The following MARCHF1 variants were observed in gnomAD, a reference collection of about 807,000 sequenced individuals.
MARCHF1 encodes E3 ubiquitin-protein ligase MARCHF1.
A neutral mutation model predicts 54.2 loss-of-function variants in MARCHF1; 40 were observed. The observed-to-expected ratio is 0.74, with a 90% CI of 0.57 to 0.96. MARCHF1 has a LOEUF of 0.96. Ranked by LOEUF, MARCHF1 falls within the 40% of genes least tolerant of loss-of-function variation. The probability of loss-of-function intolerance (pLI) is 0.00; values close to 1 mark genes in which losing one functional copy is unlikely to be tolerated. For synonymous variants in MARCHF1, 236 were observed against 236.3 expected (o/e 1.00, Z 0.01); for missense variants, 586 against 656.5 (o/e 0.89, Z 1.17).
chr4:164,060,714 T>C (rs933864496), intron 2 of MARCHF1, among the ~76,000 whole-genome samples: 1 of 152,144 alleles, frequency 6.6e-6, no homozygotes, highest in African/African-American at 2.4e-5. Flanking sequence ...TAAGTAAACG[T>C]TACAAGGAGA....
intron 3 of MARCHF1, among the ~76,000 whole-genome samples, chr4:163,889,480 A>AT (rs1553961136): frequency 6.6e-6 from 1 of 150,902 alleles, no homozygotes; most frequent in African/African-American, 2.4e-5. Context: ...AGCAGGGAAA[A>AT]TTTCATATTC....
At position 163,891,767 on chromosome 4, in the gene MARCHF1, C is replaced by CA. The variant is rs200900966; in HGVS notation, c.-38-37599dup. Among the ~76,000 whole-genome samples the CA allele has an allele frequency of 9.4e-4, 143 of 151,822 alleles. 1 individual carries two copies. The highest frequency in any genetic ancestry group is 2.9e-3 in the East Asian group (15 of 5,164). The stretch of plus-strand genomic sequence containing the variant: ...AAGCAGGTTACTGCAGAAAGCACAA[C>CA]AAAAAAAACAACAAATTGACCTGGA... On this transcript the variant is annotated intron_variant, in intron 3 of 9. Transcript: ENST00000514618.
chr4:163,979,281 T>C (rs543669026), intron 3 of MARCHF1, among the ~76,000 whole-genome samples: 3,869 of 141,398 alleles, frequency 0.027, 86 homozygotes, highest in African/African-American at 0.068. Flanking sequence ...TTTGGTTTTT[T>C]GTTCTTGTGA....
intron 1 of MARCHF1, among the ~76,000 whole-genome samples, chr4:164,113,661 T>C (rs1228504866): frequency 6.6e-6 from 1 of 151,896 alleles, no homozygotes; most frequent in Admixed American, 6.6e-5. Context: ...ATTGTATAGG[T>C]ACGTCTATCT....
rs75857122 is a variant in MARCHF1 at position 164,358,700 on chromosome 4, G to A, written c.-323+25170C>T. Among the ~76,000 whole-genome samples, 398 of 152,186 alleles carry A rather than the reference G, an allele frequency of 2.6e-3. 7 individuals carry two copies. The East Asian group carries it at 0.06, about 23-fold the overall frequency. On this transcript the variant is annotated intron_variant, in intron 1 of 9. Coordinates refer to ENST00000514618, the MANE Select transcript of MARCHF1 (RefSeq NM_001394959.1). ...AGTCAGTGAATAAAATCATGAGGTT[G>A]TAATTGGATTAATATTATCAATAGT...
chr4:163,553,584 G>A (rs1476587424), intron 8 of MARCHF1, among the ~76,000 whole-genome samples: 2 of 152,186 alleles, frequency 1.3e-5, no homozygotes, highest in African/African-American at 4.8e-5. Context: ...ATGGCACAAT[G>A]ATGGCTTCAT....
At chr4:164,315,240 A>C (rs1219115899) in intron 1 of MARCHF1, among the ~76,000 whole-genome samples, 2 of 151,686 alleles carry the variant, frequency 1.3e-5, no homozygotes, top group Non-Finnish European at 2.9e-5. Flanking sequence ...ACAAAAAAAA[A>C]AAAAAAAAAA....
At chr4:164,086,263 T>C (rs181650920) in intron 2 of MARCHF1, among the ~76,000 whole-genome samples, 3 of 151,992 alleles carry the variant, frequency 2.0e-5, no homozygotes, top group Admixed American at 2.0e-4. Context: ...ACTCTATAAA[T>C]ACTGGCTAAA....
intron 2 of MARCHF1, among the ~76,000 whole-genome samples, chr4:164,021,040 T>C (rs1260639279): frequency 6.6e-6 from 1 of 151,474 alleles, no homozygotes; most frequent in Non-Finnish European, 1.5e-5. Flanking sequence ...GTAAAGACCA[T>C]GGAATCTGAG....
chr4:163,669,635 G>A (rs1409977908), intron 5 of MARCHF1, among the ~76,000 whole-genome samples: 3 of 146,598 alleles, frequency 2.0e-5, no homozygotes, highest in African/African-American at 7.6e-5. Flanking sequence ...GTCTCACTCT[G>A]TTGCCCAGGC....
At chr4:163,634,355 T>A (rs939376233) in intron 5 of MARCHF1, among the ~76,000 whole-genome samples, 19 of 150,198 alleles carry the variant, frequency 1.3e-4, no homozygotes, top group South Asian at 4.3e-4. Context: ...GAAACCCATC[T>A]CATGTGCAGA....
intron 3 of MARCHF1, among the ~76,000 whole-genome samples, chr4:163,966,836 G>GC (rs1196938054): frequency 1.3e-5 from 2 of 152,034 alleles, no homozygotes; most frequent in African/African-American, 4.8e-5. Flanking sequence ...AGTCACACTT[G>GC]CAAATCTACC....
chr4:164,088,723 A>C (rs982796425), intron 2 of MARCHF1, among the ~76,000 whole-genome samples: 2 of 152,176 alleles, frequency 1.3e-5, no homozygotes, highest in Non-Finnish European at 2.9e-5. Context: ...TGGGAGACAG[A>C]GTGAGTCTCT....
intron 2 of MARCHF1, among the ~76,000 whole-genome samples, chr4:164,002,434 T>A (rs529274996): frequency 6.6e-6 from 1 of 151,632 alleles, no homozygotes; most frequent in African/African-American, 2.4e-5. Flanking sequence ...AAATAAAAAT[T>A]CACTATGTAA....
chr4:163,826,963 T>C lies in MARCHF1; in HGVS notation c.111+27058A>G, dbSNP rs182504053. Among the ~76,000 whole-genome samples the C allele has an allele frequency of 1.5e-3, 232 of 152,118 alleles. 1 individual carries two copies. The highest frequency in any genetic ancestry group is 5.4e-3 in the African/African-American group (224 of 41,548). ...CCACAATTTCCACAAAGAAAAAAGC[T>C]GGGTTAAGTTTATGGTTTCCTTAAA... On this transcript the variant is annotated intron_variant, in intron 4 of 9. Transcript: ENST00000514618.
chr4:164,214,288 T>A (rs1731866478), intron 1 of MARCHF1, among the ~76,000 whole-genome samples: 1 of 152,220 alleles, frequency 6.6e-6, no homozygotes. Flanking sequence ...ATTAAGTTAC[T>A]ACATTTATGA....
At chr4:164,209,336 C>T (rs964741920) in intron 1 of MARCHF1, among the ~76,000 whole-genome samples, 1 of 152,178 alleles carries the variant, frequency 6.6e-6, no homozygotes, top group African/African-American at 2.4e-5. Flanking sequence ...CTCATCTATA[C>T]TGTATCCAAC....
At chr4:164,265,725 A>T (rs1176345691) in intron 1 of MARCHF1, among the ~76,000 whole-genome samples, 1 of 151,842 alleles carries the variant, frequency 6.6e-6, no homozygotes, top group Admixed American at 6.6e-5. Context: ...CCACTCTGAC[A>T]TTTTTTAGTT....
chr4:163,616,041 A>G (rs1179064173), intron 5 of MARCHF1, among the ~76,000 whole-genome samples: 2 of 152,184 alleles, frequency 1.3e-5, no homozygotes, highest in African/African-American at 2.4e-5. Flanking sequence ...CTAGACTTCT[A>G]TCTTTCACTA....
Sources: gnomAD v4.1 joint callset for allele counts (sites outside exome capture counted in the v4.1 genomes callset) on GRCh38, gnomAD v4.1.1 for gene constraint, MANE v1.5 for transcripts, NCBI Gene and HGNC (gene_info 2026-07-23, HGNC 2026-07-21) for gene names.